The following ST6GALNAC3 variants were observed in gnomAD, a reference collection of about 807,000 sequenced individuals.
The protein encoded by ST6GALNAC3 is ST6 N-acetylgalactosaminide alpha-2,6-sialyltransferase 3.
Under a neutral mutation model 32.7 loss-of-function variants are expected in ST6GALNAC3, and 25 were observed. The observed-to-expected ratio is 0.76, with a 90% CI of 0.56 to 1.07. The LOEUF is 1.07. ST6GALNAC3 is among the 50% of genes least tolerant of loss of function. The pLI is 0.00. For missense variants in ST6GALNAC3, 355 were observed against 382.4 expected, an observed-to-expected ratio of 0.93 and a Z score of 0.60; for synonymous variants, 129 against 133.1, an observed-to-expected ratio of 0.97 and a Z score of 0.21.
At chr1:76,470,657 AG>A (rs1219413657) in intron 3 of ST6GALNAC3, among the ~76,000 whole-genome samples, 6 of 152,094 alleles carry the variant, frequency 3.9e-5, no homozygotes, top group Admixed American at 3.9e-4. Flanking sequence ...GGAAAAATCC[AG>A]GGTTTCTTTT....
intron 3 of ST6GALNAC3, among the ~76,000 whole-genome samples, chr1:76,608,068 A>G (rs1647676172): frequency 6.6e-6 from 1 of 152,222 alleles, no homozygotes; most frequent in Non-Finnish European, 1.5e-5. Flanking sequence ...TTTTCTACCC[A>G]AAGCTTTAGT....
intron 3 of ST6GALNAC3, among the ~76,000 whole-genome samples, chr1:76,421,678 TA>T (rs1216566897): frequency 6.6e-6 from 1 of 152,010 alleles, no homozygotes; most frequent in African/African-American, 2.4e-5. Flanking sequence ...ACAAAGAAAA[TA>T]AATTGCCTTA....
intron 1 of ST6GALNAC3, among the ~76,000 whole-genome samples, chr1:76,111,556 T>G (rs1364155108): frequency 6.6e-6 from 1 of 150,586 alleles, no homozygotes; most frequent in East Asian, 1.9e-4. Context: ...AACAAAGGTC[T>G]CTGGTTTTCC....
At chr1:76,451,179 ATT>A (rs1366844015) in intron 3 of ST6GALNAC3, among the ~76,000 whole-genome samples, 39 of 152,210 alleles carry the variant, frequency 2.6e-4, no homozygotes, top group East Asian at 9.7e-4. Context: ...ACCCATCTGT[ATT>A]AGTCCATTCT....
chr1:76,603,335 G>C (rs1357452405), intron 3 of ST6GALNAC3, among the ~76,000 whole-genome samples: 1 of 152,110 alleles, frequency 6.6e-6, no homozygotes, highest in Non-Finnish European at 1.5e-5. Context: ...TTGACAGAAG[G>C]GTGGCTAAAT....
chr1:76,397,147 C>T (rs1653029085), intron 2 of ST6GALNAC3, among the ~76,000 whole-genome samples: 1 of 151,962 alleles, frequency 6.6e-6, no homozygotes, highest in African/African-American at 2.4e-5. Context: ...GAATGAATGA[C>T]TCCAAAGCAA....
At chr1:76,537,787 A>G (rs550021024) in intron 3 of ST6GALNAC3, among the ~76,000 whole-genome samples, 2 of 152,254 alleles carry the variant, frequency 1.3e-5, no homozygotes, top group Admixed American at 1.3e-4. Context: ...CTAAATTCCT[A>G]GACACATACA....
intron 1 of ST6GALNAC3, among the ~76,000 whole-genome samples, chr1:76,227,964 C>T (rs1656168570): frequency 6.6e-6 from 1 of 152,134 alleles, no homozygotes; most frequent in African/African-American, 2.4e-5. Flanking sequence ...AAGTCTAAAA[C>T]CTGCAAGTAC....
At position 76,192,008 on chromosome 1, in the gene ST6GALNAC3, A is replaced by G. The variant is rs549832302; in HGVS notation, c.18+117124A>G. On this transcript the variant is annotated intron_variant, in intron 1 of 4. Transcript: ENST00000328299. ...CACACTGATGGGTATGGGAAAGAAC[A>G]GGTGGGGGTAAGGGGGCCTGAGTTA... Among the ~76,000 whole-genome samples, 9 of 152,260 alleles carry G rather than the reference A, an allele frequency of 5.9e-5. No individual in the cohort carries two copies. The South Asian group carries it at 1.9e-3, about 32-fold the overall frequency.
chr1:76,549,251 C>T (rs1041883084), intron 3 of ST6GALNAC3, among the ~76,000 whole-genome samples: 2 of 152,104 alleles, frequency 1.3e-5, no homozygotes, highest in Non-Finnish European at 2.9e-5. Flanking sequence ...CAAAACATCT[C>T]AAATCCAATT....
At chr1:76,247,522 C>G (rs953866631) in intron 1 of ST6GALNAC3, among the ~76,000 whole-genome samples, 32 of 152,250 alleles carry the variant, frequency 2.1e-4, no homozygotes, top group African/African-American at 7.5e-4. Flanking sequence ...GATGTCTTGC[C>G]CAGTGAGGTG....
At chr1:76,239,070 A>G (rs1656824681) in intron 1 of ST6GALNAC3, among the ~76,000 whole-genome samples, 1 of 151,248 alleles carries the variant, frequency 6.6e-6, no homozygotes, top group African/African-American at 2.4e-5. Context: ...GGCTTGGGCC[A>G]CCAGCTGTCT....
intron 2 of ST6GALNAC3, among the ~76,000 whole-genome samples, chr1:76,329,015 T>C (rs1468660869): frequency 6.6e-6 from 1 of 152,196 alleles, no homozygotes; most frequent in Non-Finnish European, 1.5e-5. Context: ...ATTATAATTC[T>C]CCTTTTCATG....
At chr1:76,513,549 A>G (rs1359407049) in intron 3 of ST6GALNAC3, among the ~76,000 whole-genome samples, 1 of 152,070 alleles carries the variant, frequency 6.6e-6, no homozygotes, top group Non-Finnish European at 1.5e-5. Flanking sequence ...AATCTATTTT[A>G]AAGTCAGGTA....
intron 2 of ST6GALNAC3, among the ~76,000 whole-genome samples, chr1:76,362,664 ACAGGCCC>A (rs1201269841): frequency 6.6e-6 from 1 of 152,240 alleles, no homozygotes; most frequent in African/African-American, 2.4e-5. Context: ...ACAAAGGGCT[ACAGGCCC>A]CAGGCAAGTC....
intron 3 of ST6GALNAC3, among the ~76,000 whole-genome samples, chr1:76,600,799 T>C (rs1647213085): frequency 6.6e-6 from 1 of 152,228 alleles, no homozygotes; most frequent in Admixed American, 6.5e-5. Flanking sequence ...TCAGAAGCCA[T>C]TTATCTAATG....
chr1:76,632,807 C>A lies in ST6GALNAC3; in HGVS notation c.*4001C>A, dbSNP rs1002674556. Reference sequence around the variant, plus strand: ...ATCAGATGACTGATTTAAAAAAAAACAACAACAATGTGCCCATCTAGCCTT... The same window carrying A: ...ATCAGATGACTGATTTAAAAAAAAAAAACAACAATGTGCCCATCTAGCCTT... On this transcript the variant is annotated 3_prime_UTR_variant, in exon 5 of 5. Coordinates refer to ENST00000328299, the MANE Select transcript of ST6GALNAC3 (RefSeq NM_152996.4). The A allele has an allele frequency of 1.8e-4, 25 of 138,238 alleles. No homozygotes were observed. Among genetic ancestry groups the A allele is most frequent in the African/African-American group, 6.0e-4 (24 of 39,782 alleles). The allele number at this position is 138,238 out of a possible 1,614,324, so 8.6% of individuals were successfully genotyped here.
At chr1:76,195,705 A>G (rs1654164328) in intron 1 of ST6GALNAC3, among the ~76,000 whole-genome samples, 1 of 152,230 alleles carries the variant, frequency 6.6e-6, no homozygotes, top group Admixed American at 6.5e-5. Flanking sequence ...TCACAAAGAC[A>G]GTTTTGACCT....
intron 1 of ST6GALNAC3, among the ~76,000 whole-genome samples, chr1:76,132,089 C>A (rs7530637): frequency 0.023 from 3,492 of 152,284 alleles, 139 homozygotes; most frequent in African/African-American, 0.08. Context: ...AACAGTGTCT[C>A]ATAGCCCCAT....
Sources: gnomAD v4.1 joint callset for allele counts (sites outside exome capture counted in the v4.1 genomes callset) on GRCh38, gnomAD v4.1.1 for gene constraint, MANE v1.5 for transcripts, NCBI Gene and HGNC (gene_info 2026-07-23, HGNC 2026-07-21) for gene names.